The following ARMC2 variants were observed in gnomAD, a reference collection of about 807,000 sequenced individuals.
ARMC2 encodes armadillo repeat-containing protein 2.
In ARMC2, 67 loss-of-function variants were observed where a neutral mutation model predicts 90.3. That is an observed-to-expected ratio of 0.74 (90% CI 0.61 to 0.91). The LOEUF (loss-of-function observed/expected upper bound fraction) is 0.91, where lower values mean the gene tolerates loss of function less well. Among genes scored for constraint, ARMC2 ranks in the 40% least tolerant of loss-of-function variants. The pLI, the probability that ARMC2 is intolerant of heterozygous loss-of-function variation, is 0.00. For missense variants in ARMC2, 920 were observed against 1,030.9 expected (o/e 0.89, Z 1.47); for synonymous variants, 393 against 393.0 (o/e 1.00, Z 0.00).
chr6:108,881,296 CCCTTCCTT>C (rs148587003), intron 5 of ARMC2, among the ~76,000 whole-genome samples: 1 of 78,176 alleles, frequency 1.3e-5, no homozygotes, highest in African/African-American at 5.3e-5. Flanking sequence ...CCCTCCCCTC[CCCTTCCTT>C]CCTTCCTTCC....
At chr6:108,928,365 A>C in intron 11 of ARMC2, 132 bp downstream of exon 11, 1 of 941,590 alleles carries the variant, frequency 1.1e-6, no homozygotes, top group Non-Finnish European at 1.5e-6. Context: ...CAGAAAGGGT[A>C]AATCTAGTGG....
intron 6 of ARMC2, among the ~76,000 whole-genome samples, chr6:108,895,858 T>G (rs1203753420): frequency 6.6e-6 from 1 of 152,134 alleles, no homozygotes; most frequent in African/African-American, 2.4e-5. Flanking sequence ...GGGGAATGGA[T>G]GCAGGGAGCC....
At chr6:109,000,384 G>A in the ARMC2 span, 30 of 781,996 alleles carry the variant, frequency 3.8e-5, no homozygotes, top group Admixed American at 8.6e-4. Context: ...GATTCAGGGG[G>A]TAGAAAATAG....
At chr6:108,942,504 G>A (rs1343840163) in intron 12 of ARMC2, among the ~76,000 whole-genome samples, 3 of 152,116 alleles carry the variant, frequency 2.0e-5, no homozygotes, top group African/African-American at 4.8e-5. Flanking sequence ...ACACTTTGCC[G>A]CAACTGGGAT....
chr6:108,960,045 G>A (rs1237982307), intron 13 of ARMC2, among the ~76,000 whole-genome samples: 1 of 152,066 alleles, frequency 6.6e-6, no homozygotes, highest in East Asian at 1.9e-4. Context: ...CGGTCTGATT[G>A]CCCAACTCTT....
At chr6:108,893,005 A>C (rs1009944302) in intron 5 of ARMC2, among the ~76,000 whole-genome samples, 1 of 152,194 alleles carries the variant, frequency 6.6e-6, no homozygotes, top group Non-Finnish European at 1.5e-5. Flanking sequence ...GGACAAAAAG[A>C]AATTTTGATA....
rs144246188 is a variant in ARMC2, at chr6:108,887,200, C to T, written c.672-7267C>T. ...GTGCTGTGGTTACAGATGTGAGCCA[C>T]CATGCCTGGCTAATTTTATAGTATT... On this transcript the variant is annotated intron_variant, in intron 5 of 17. Coordinates refer to ENST00000392644, the MANE Select transcript of ARMC2 (RefSeq NM_032131.6). Among the ~76,000 whole-genome samples the T allele has an allele frequency of 7.1e-3, 1,083 of 152,236 alleles. 8 individuals are homozygous for T. The highest frequency in any genetic ancestry group is 0.01 in the Non-Finnish European group (707 of 68,014).
chr6:108,986,490 C>G, the ARMC2 span: 6 of 152,640 alleles, frequency 3.9e-5, no homozygotes, highest in African/African-American at 1.4e-4. Flanking sequence ...TACTGACAGA[C>G]TTCAAAAGCA....
intron 11 of ARMC2, among the ~76,000 whole-genome samples, chr6:108,929,120 C>T (rs1050846880): frequency 6.6e-6 from 1 of 152,104 alleles, no homozygotes; most frequent in African/African-American, 2.4e-5. Flanking sequence ...GGTGGTTCTT[C>T]AGCCCCAGCC....
At chr6:109,035,410 G>C in the ARMC2 span, among the ~76,000 whole-genome samples, 1 of 152,086 alleles carries the variant, frequency 6.6e-6, no homozygotes, top group Non-Finnish European at 1.5e-5. Context: ...TAGGATTGAA[G>C]TAAAAGACTG....
chr6:109,045,898 G>A, the ARMC2 span, among the ~76,000 whole-genome samples: 2 of 152,124 alleles, frequency 1.3e-5, no homozygotes, highest in African/African-American at 4.8e-5. Context: ...ATAAATGTGA[G>A]GCACGATATG....
At position 108,910,923 on chromosome 6, in the gene ARMC2, C is replaced by T; in HGVS notation, c.1048C>T (p.Leu350Phe). The change falls in exon 9 of 18, where the codon CTT becomes TTT. Residue 350 changes from leucine to phenylalanine, a missense_variant. Transcript: ENST00000392644. ...LALKVSRKNL[L>F]NVCKLIFKIS... Reference sequence around the variant, plus strand: ...GCTTAAAGTGAGTAGAAAGAATCTTCTTAATGTCTGCAAACTTATATTTAA... The same window carrying T: ...GCTTAAAGTGAGTAGAAAGAATCTTTTTAATGTCTGCAAACTTATATTTAA... The T allele has an allele frequency of 1.3e-6, 2 of 1,566,286 alleles. No homozygotes were observed. The highest frequency in any genetic ancestry group is 1.2e-5 in the South Asian group (1 of 82,040).
intron 17 of ARMC2, among the ~76,000 whole-genome samples, chr6:108,967,641 C>T (rs1778468314): frequency 6.6e-6 from 1 of 152,236 alleles, no homozygotes; most frequent in East Asian, 1.9e-4. Flanking sequence ...TAAACCATCT[C>T]TAGACTACTT....
the ARMC2 span, among the ~76,000 whole-genome samples, chr6:109,003,345 T>C: frequency 6.6e-6 from 1 of 151,536 alleles, no homozygotes; most frequent in Non-Finnish European, 1.5e-5. Context: ...AACCAGATAT[T>C]TTCCTTTTAA....
intron 7 of ARMC2, among the ~76,000 whole-genome samples, chr6:108,902,968 G>A (rs1421493973): frequency 6.6e-6 from 1 of 152,068 alleles, no homozygotes; most frequent in Non-Finnish European, 1.5e-5. Flanking sequence ...AGGAGTTTGA[G>A]ACCAGCCTGG....
At chr6:109,032,312 G>C in the ARMC2 span, among the ~76,000 whole-genome samples, 1 of 151,622 alleles carries the variant, frequency 6.6e-6, no homozygotes, top group Non-Finnish European at 1.5e-5. Context: ...GATGAGGCGT[G>C]CTCCCCCTGT....
chr6:108,882,419 A>T (rs941687674), intron 5 of ARMC2, among the ~76,000 whole-genome samples: 2 of 145,590 alleles, frequency 1.4e-5, no homozygotes, highest in African/African-American at 5.1e-5. Flanking sequence ...AGCCTAGGCG[A>T]TGGAGTGAGA....
chr6:108,997,708 A>G, the ARMC2 span, among the ~76,000 whole-genome samples: 1 of 152,206 alleles, frequency 6.6e-6, no homozygotes. Context: ...AACCTGTCAA[A>G]TCTATTTCAA....
rs187611802 is a variant in ARMC2, at chr6:108,968,317, C to G, written c.2446+3177C>G. 2.2e-3 allele frequency among the ~76,000 whole-genome samples: 331 copies of G among 152,318 alleles called. 2 individuals are homozygous for G. The highest frequency in any genetic ancestry group is 7.7e-3 in the African/African-American group (318 of 41,568). ...CTGTAGCAAAGGCAGGAATTCCCATCCGAAAACAAACAACTAGCCTTGTGT... is the reference window on the plus strand; with the variant it reads ...CTGTAGCAAAGGCAGGAATTCCCATGCGAAAACAAACAACTAGCCTTGTGT... On this transcript the variant is annotated intron_variant, in intron 17 of 17. Coordinates refer to ENST00000392644, the MANE Select transcript of ARMC2 (RefSeq NM_032131.6).
Sources: gnomAD v4.1 joint callset for allele counts (sites outside exome capture counted in the v4.1 genomes callset) on GRCh38, gnomAD v4.1.1 for gene constraint, MANE v1.5 for transcripts, NCBI Gene and HGNC (gene_info 2026-07-23, HGNC 2026-07-21) for gene names.